Variants in CDH18 observed in about 807,000 individuals in gnomAD.
CDH18 encodes the protein cadherin-18.
CDH18 carries 31 observed loss-of-function variants against 67.9 expected under a neutral mutation model. The observed-to-expected ratio is 0.46, with a 90% CI of 0.34 to 0.62. The LOEUF is 0.62. Among genes scored for constraint, CDH18 ranks in the 20% least tolerant of loss-of-function variants. CDH18 has a pLI of 0.01. For synonymous variants in CDH18, 362 were observed against 347.2 expected (o/e 1.04, Z -0.48); for missense variants, 890 against 975.5 (o/e 0.91, Z 1.17).
chr5:20,095,684 C>A (rs1297794782), intron 2 of CDH18, among the ~76,000 whole-genome samples: 2 of 149,542 alleles, frequency 1.3e-5, no homozygotes, highest in African/African-American at 2.5e-5. Context: ...TGGTTATATC[C>A]CAAAATGAAG....
At chr5:19,526,493 C>G (rs116695328) in intron 9 of CDH18, among the ~76,000 whole-genome samples, 5 of 152,102 alleles carry the variant, frequency 3.3e-5, no homozygotes, top group South Asian at 4.1e-4. Context: ...CTGATATGTG[C>G]GTAACACTAT....
intron 2 of CDH18, among the ~76,000 whole-genome samples, chr5:20,123,745 G>A (rs1304556202): frequency 2.0e-5 from 3 of 152,062 alleles, no homozygotes; most frequent in South Asian, 2.1e-4. Flanking sequence ...AAAATTAGCC[G>A]GGTGTGGTGG....
At chr5:20,270,636 T>C (rs897021882) in intron 1 of CDH18, among the ~76,000 whole-genome samples, 1 of 152,114 alleles carries the variant, frequency 6.6e-6, no homozygotes, top group Non-Finnish European at 1.5e-5. Flanking sequence ...TTACTGGGTA[T>C]ATACCAAAAG....
chr5:20,404,758 G>T (rs1389612626), intron 1 of CDH18, among the ~76,000 whole-genome samples: 2 of 152,130 alleles, frequency 1.3e-5, no homozygotes, highest in African/African-American at 4.8e-5. Context: ...TATGAAGTGA[G>T]CACATGCTAT....
At chr5:19,781,260 G>A (rs1775079326) in intron 3 of CDH18, among the ~76,000 whole-genome samples, 1 of 151,982 alleles carries the variant, frequency 6.6e-6, no homozygotes, top group Non-Finnish European at 1.5e-5. Flanking sequence ...AAAGATGAAT[G>A]CAATTGTAAG....
intron 8 of CDH18, among the ~76,000 whole-genome samples, chr5:19,544,764 T>C (rs891665425): frequency 1.3e-5 from 2 of 152,158 alleles, no homozygotes; most frequent in African/African-American, 4.8e-5. Context: ...AAAAGCATGA[T>C]TGGGCTAATT....
intron 2 of CDH18, among the ~76,000 whole-genome samples, chr5:19,946,109 G>A (rs1795260922): frequency 6.6e-6 from 1 of 151,938 alleles, no homozygotes; most frequent in Non-Finnish European, 1.5e-5. Context: ...TAAAAGCAAA[G>A]AGAAAAATGG....
chr5:20,482,703 G>C (rs2126319563), intron 1 of CDH18, among the ~76,000 whole-genome samples: 1 of 152,070 alleles, frequency 6.6e-6, no homozygotes, highest in East Asian at 1.9e-4. Context: ...TGCTGAAAAA[G>C]CATTTGATAA....
chr5:20,464,347 G>C (rs1292694756), intron 1 of CDH18, among the ~76,000 whole-genome samples: 1 of 152,180 alleles, frequency 6.6e-6, no homozygotes. Context: ...TGAATTGATA[G>C]AATGTGTGTT....
intron 12 of CDH18, among the ~76,000 whole-genome samples, chr5:19,474,702 A>G (rs1738148249): frequency 6.6e-6 from 1 of 152,152 alleles, no homozygotes; most frequent in Admixed American, 6.6e-5. Flanking sequence ...TACTATAAAA[A>G]TACTCTACTT....
At chr5:19,963,355 A>T (rs1383936808) in intron 2 of CDH18, among the ~76,000 whole-genome samples, 1 of 152,112 alleles carries the variant, frequency 6.6e-6, no homozygotes. Flanking sequence ...GAACTGTCCG[A>T]GCCTGGATAA....
chr5:19,984,846 T>C (rs980522325), intron 1 of CDH18, among the ~76,000 whole-genome samples: 9 of 152,192 alleles, frequency 5.9e-5, no homozygotes, highest in Admixed American at 5.9e-4. Context: ...TCAGCACTTG[T>C]CTAAAACTGT....
chr5:19,748,940 T>C (rs867603928), intron 3 of CDH18, among the ~76,000 whole-genome samples: 7 of 152,112 alleles, frequency 4.6e-5, no homozygotes, highest in African/African-American at 1.7e-4. Flanking sequence ...AAAATGCTTA[T>C]TTAGATCTTT....
intron 2 of CDH18, among the ~76,000 whole-genome samples, chr5:19,853,159 A>C (rs1423110696): frequency 1.3e-5 from 2 of 152,074 alleles, no homozygotes; most frequent in Non-Finnish European, 1.5e-5. Context: ...CTGGAGACTA[A>C]AAGTCCCATA....
chr5:20,067,098 C>T (rs1312138912), intron 2 of CDH18, among the ~76,000 whole-genome samples: 1 of 151,612 alleles, frequency 6.6e-6, no homozygotes, highest in Non-Finnish European at 1.5e-5. Context: ...TAGGTATCAC[C>T]AATAAGCCAG....
chr5:20,168,323 T>C (rs1326251312), intron 2 of CDH18, among the ~76,000 whole-genome samples: 1 of 152,174 alleles, frequency 6.6e-6, no homozygotes, highest in Admixed American at 6.6e-5. Context: ...TGCCAATGTA[T>C]AGCGCACTTT....
Position 19,796,768 on chromosome 5 carries a change from C to T in CDH18, c.228+41991G>A, listed in dbSNP as rs758761539. On this transcript the variant is annotated intron_variant, in intron 3 of 12. Transcript: ENST00000382275. ...CCAAGGCGATAAGTGAAGAAAGTCACAGAACCAAAATGGAAGTGAAGCTTT... is the reference window on the plus strand; with the variant it reads ...CCAAGGCGATAAGTGAAGAAAGTCATAGAACCAAAATGGAAGTGAAGCTTT... Among the ~76,000 whole-genome samples the T allele has an allele frequency of 7.9e-5, 12 of 151,942 alleles. 1 individual carries two copies. The highest frequency in any genetic ancestry group is 1.5e-4 in the Non-Finnish European group (10 of 67,922).
At chr5:20,006,757 T>C (rs1246550212) in intron 2 of CDH18, among the ~76,000 whole-genome samples, 1 of 151,988 alleles carries the variant, frequency 6.6e-6, no homozygotes, top group East Asian at 1.9e-4. Context: ...TCTCTATGCA[T>C]GTTAAATGTG....
rs188820791 is a variant in CDH18 at position 19,676,942 on chromosome 5, C to T, written c.643+44405G>A. ...TAAAGCCTTTTAAAATAAACTTCCA[C>T]TCCTGCTCTAAAACTTCCCTTGGTC... On this transcript the variant is annotated intron_variant, in intron 5 of 12. Coordinates refer to ENST00000382275, the MANE Select transcript of CDH18 (RefSeq NM_004934.5). Among the ~76,000 whole-genome samples, 612 of 152,208 alleles carry T rather than the reference C, an allele frequency of 4.0e-3. 4 individuals are homozygous for T. The highest frequency in any genetic ancestry group is 0.018 in the South Asian group (85 of 4,832).
Sources: allele counts gnomAD v4.1 joint callset (sites outside exome capture counted in the v4.1 genomes callset), GRCh38; gene constraint gnomAD v4.1.1; transcripts MANE v1.5; gene names NCBI Gene and HGNC (gene_info 2026-07-23, HGNC 2026-07-21).